Variants in FAM81A observed in about 807,000 individuals in gnomAD.
The protein encoded by FAM81A is protein FAM81A.
Under a neutral mutation model 46.7 loss-of-function variants are expected in FAM81A, and 19 were observed. The observed-to-expected ratio is 0.41, with a 90% CI of 0.28 to 0.60. The LOEUF (loss-of-function observed/expected upper bound fraction) is 0.60. FAM81A is among the 20% of genes least tolerant of loss of function. The probability of loss-of-function intolerance (pLI) is 0.34; values close to 1 mark genes in which losing one functional copy is unlikely to be tolerated. For missense variants in FAM81A, 377 were observed against 453.5 expected (o/e 0.83, Z 1.53); for synonymous variants, 183 against 152.9 (o/e 1.20, Z -1.45).
chr15:59,518,297 C>G (rs1010005856), intron 8 of FAM81A, among the ~76,000 whole-genome samples: 13 of 151,724 alleles, frequency 8.6e-5, no homozygotes, highest in Admixed American at 8.5e-4. Context: ...CTTTTTACCC[C>G]TTTATTATTT....
At chr15:59,493,976 A>G (rs2082008270) in intron 4 of FAM81A, among the ~76,000 whole-genome samples, 1 of 152,094 alleles carries the variant, frequency 6.6e-6, no homozygotes, top group Non-Finnish European at 1.5e-5. Flanking sequence ...CCCCCACTCC[A>G]TAGAGCTCTC....
At chr15:59,424,573 C>T (rs1276348792) in intron 2 of FAM81A, among the ~76,000 whole-genome samples, 4 of 152,234 alleles carry the variant, frequency 2.6e-5, no homozygotes. Context: ...AAGTCCAAAA[C>T]TAAGCTCTCG....
chr15:59,466,533 G>A (rs2081615772), intron 3 of FAM81A, among the ~76,000 whole-genome samples: 1 of 151,180 alleles, frequency 6.6e-6, no homozygotes, highest in African/African-American at 2.5e-5. Flanking sequence ...CATTTCCTTT[G>A]CCCACTTTTT....
chr15:59,431,255 G>T (rs2081218629), intron 2 of FAM81A, among the ~76,000 whole-genome samples: 1 of 150,962 alleles, frequency 6.6e-6, no homozygotes, highest in East Asian at 1.9e-4. Context: ...TTTTTTTTGA[G>T]ATGGAGTCTC....
At position 59,443,535 on chromosome 15, in the gene FAM81A, G is replaced by A. The variant is rs137892876; in HGVS notation, c.-78+5253G>A. On this transcript the variant is annotated intron_variant, in intron 1 of 8. Coordinates refer to ENST00000288228, the MANE Select transcript of FAM81A (RefSeq NM_152450.3). ...ACCTTGACACGTTTGAAGGGTGCAG[G>A]TCAGTTATGTAGTAGAATGCCCTGT... Among the ~76,000 whole-genome samples the A allele has an allele frequency of 7.4e-3, 1,127 of 152,302 alleles. 8 individuals carry two copies. Among genetic ancestry groups the A allele is most frequent in the Admixed American group, 0.017 (254 of 15,302 alleles).
chr15:59,519,643 CAT>C (rs1375701285), intron 8 of FAM81A, among the ~76,000 whole-genome samples: 2 of 147,238 alleles, frequency 1.4e-5, no homozygotes, highest in African/African-American at 5.0e-5. Flanking sequence ...TTAGATTCCA[CAT>C]ATGAGATCGT....
At chr15:59,431,090 C>T (rs2081217836) in intron 2 of FAM81A, among the ~76,000 whole-genome samples, 1 of 152,048 alleles carries the variant, frequency 6.6e-6, no homozygotes, top group Non-Finnish European at 1.5e-5. Flanking sequence ...ATGAGGTAGG[C>T]ACTATGTTAT....
intron 3 of FAM81A, among the ~76,000 whole-genome samples, chr15:59,477,983 T>G (rs2081794410): frequency 6.6e-6 from 1 of 152,212 alleles, no homozygotes; most frequent in South Asian, 2.1e-4. Context: ...TAGTCAACTA[T>G]GAATTATACA....
At chr15:59,413,012 C>T (rs1237829465) in intron 2 of FAM81A, among the ~76,000 whole-genome samples, 1 of 152,156 alleles carries the variant, frequency 6.6e-6, no homozygotes, top group African/African-American at 2.4e-5. Context: ...AGTGAAGGTG[C>T]AGATCAAGAG....
intron 2 of FAM81A, chr15:59,407,374 A>C (rs1197762869): frequency 7.3e-6 from 1 of 137,702 alleles, no homozygotes; most frequent in Admixed American, 8.3e-5. Context: ...AGCTCCCTGT[A>C]AGCTCCACCT....
chr15:59,416,566 C>T (rs2081147621), intron 2 of FAM81A, among the ~76,000 whole-genome samples: 1 of 152,206 alleles, frequency 6.6e-6, no homozygotes, highest in Non-Finnish European at 1.5e-5. Flanking sequence ...TGAACTCAAA[C>T]AGGAGCTGAA....
At chr15:59,463,531 A>G (rs1449121296) in intron 3 of FAM81A, among the ~76,000 whole-genome samples, 1 of 152,116 alleles carries the variant, frequency 6.6e-6, no homozygotes, top group African/African-American at 2.4e-5. Flanking sequence ...ACTTTGATAG[A>G]GATTGCTTTG....
At chr15:59,428,621 CTTTT>C (rs1206186244) in intron 2 of FAM81A, among the ~76,000 whole-genome samples, 2 of 70,232 alleles carry the variant, frequency 2.8e-5, no homozygotes, top group African/African-American at 1.1e-4. Flanking sequence ...ATGTCTACTC[CTTTT>C]TTTTTTTTTT....
chr15:59,435,488 C>T (rs1009568150), upstream of FAM81A, among the ~76,000 whole-genome samples: 6 of 149,806 alleles, frequency 4.0e-5, no homozygotes, highest in African/African-American at 1.2e-4. Flanking sequence ...GGCATGGTGG[C>T]GTACGTCTGT....
intron 5 of FAM81A, 53 bp downstream of exon 5, chr15:59,507,395 G>T: frequency 6.3e-7 from 1 of 1,583,998 alleles, no homozygotes; most frequent in Non-Finnish European, 8.6e-7. Context: ...TCTTAGCTAA[G>T]AATAACATGG....
At chr15:59,482,148 A>AATGTG (rs1181188192) in intron 3 of FAM81A, among the ~76,000 whole-genome samples, 3 of 152,102 alleles carry the variant, frequency 2.0e-5, no homozygotes, top group Non-Finnish European at 4.4e-5. Flanking sequence ...CCTTTTAAAA[A>AATGTG]ATGTGTGTTT....
At chr15:59,497,886 C>G (rs779512780) in intron 4 of FAM81A, among the ~76,000 whole-genome samples, 1 of 152,200 alleles carries the variant, frequency 6.6e-6, no homozygotes, top group African/African-American at 2.4e-5. Context: ...GAAACATTGT[C>G]TTCCTTTGTT....
At chr15:59,484,283 ATG>A (rs2081890709) in intron 3 of FAM81A, among the ~76,000 whole-genome samples, 2 of 152,230 alleles carry the variant, frequency 1.3e-5, no homozygotes. Context: ...AAGTCAGTAG[ATG>A]GACAGGAGGG....
intron 3 of FAM81A, among the ~76,000 whole-genome samples, chr15:59,471,536 C>T (rs932001835): frequency 1.8e-4 from 28 of 152,102 alleles, no homozygotes; most frequent in African/African-American, 6.0e-4. Context: ...AATCATAACT[C>T]ACTGCAGCGT....
Sources: allele counts gnomAD v4.1 joint callset (sites outside exome capture counted in the v4.1 genomes callset), GRCh38; gene constraint gnomAD v4.1.1; transcripts MANE v1.5; gene names NCBI Gene and HGNC (gene_info 2026-07-23, HGNC 2026-07-21).